Variants in RXRA observed in about 807,000 individuals in gnomAD.
The protein encoded by RXRA is retinoid X receptor alpha.
A neutral mutation model predicts 44.5 loss-of-function variants in RXRA; 5 were observed. The ratio of observed to expected loss-of-function variants is 0.11; its 90% CI spans 0.06 to 0.24. RXRA has a LOEUF of 0.24. Among genes scored for constraint, RXRA ranks in the 10% least tolerant of loss-of-function variants. RXRA has a pLI of 1.00. For synonymous variants in RXRA, 291 were observed against 271.4 expected (o/e 1.07, Z -0.71); for missense variants, 412 against 646.5 (o/e 0.64, Z 3.93).
chr9:134,328,425 G>A (rs574101841), intron 1 of RXRA, among the ~76,000 whole-genome samples: 15 of 152,060 alleles, frequency 9.9e-5, no homozygotes, highest in African/African-American at 2.4e-5. Context: ...AGGAGAGGTC[G>A]TGCCTCCGAG....
chr9:134,374,540 C>T (rs532803637), intron 1 of RXRA, among the ~76,000 whole-genome samples: 15 of 152,292 alleles, frequency 9.8e-5, no homozygotes, highest in African/African-American at 2.4e-4. Flanking sequence ...GGGAGGCCCC[C>T]GGGGCACCCC....
At chr9:134,416,572 T>C (rs568416919) in intron 4 of RXRA, among the ~76,000 whole-genome samples, 1 of 152,190 alleles carries the variant, frequency 6.6e-6, no homozygotes, top group South Asian at 2.1e-4. Flanking sequence ...CAGGGCCCAG[T>C]GTCCTTGGGA....
At chr9:134,432,437 C>T (rs976062948) in intron 8 of RXRA, among the ~76,000 whole-genome samples, 1 of 152,188 alleles carries the variant, frequency 6.6e-6, no homozygotes, top group Admixed American at 6.5e-5. Context: ...AGCCTCGGGT[C>T]CAGGGTGTTT....
chr9:134,424,260 C>T (rs1175305384), intron 6 of RXRA: 1 of 985,308 alleles, frequency 1.0e-6, no homozygotes, highest in East Asian at 1.1e-4. Flanking sequence ...AGCCCTGGTG[C>T]CATGAGTCCC....
At chr9:134,334,726 C>T (rs529920785) in intron 1 of RXRA, among the ~76,000 whole-genome samples, 1 of 152,296 alleles carries the variant, frequency 6.6e-6, no homozygotes, top group East Asian at 1.9e-4. Context: ...TGCTGTTGGC[C>T]ATTGGTCAGG....
chr9:134,344,127 C>T (rs1226785496), intron 1 of RXRA, among the ~76,000 whole-genome samples: 1 of 152,228 alleles, frequency 6.6e-6, no homozygotes, highest in African/African-American at 2.4e-5. Flanking sequence ...TCCAGCGTTC[C>T]CTGCGCTTGA....
chr9:134,333,844 T>C (rs1554746979), intron 1 of RXRA, among the ~76,000 whole-genome samples: 2 of 152,174 alleles, frequency 1.3e-5, no homozygotes, highest in Non-Finnish European at 2.9e-5. Context: ...AATCGGGCGC[T>C]CTCGGGCCTG....
chr9:134,362,138 C>G (rs577749105), intron 1 of RXRA, among the ~76,000 whole-genome samples: 1 of 152,134 alleles, frequency 6.6e-6, no homozygotes, highest in South Asian at 2.1e-4. Context: ...GCCTTCTGTG[C>G]GGGTTGGGAG....
intron 1 of RXRA, among the ~76,000 whole-genome samples, chr9:134,335,841 A>G (rs782395436): frequency 7.9e-5 from 12 of 152,002 alleles, no homozygotes; most frequent in East Asian, 1.9e-4. Context: ...ACCTATTCCT[A>G]TACCCCTTGG....
At chr9:134,408,538 C>T (rs1010629928) in intron 3 of RXRA, among the ~76,000 whole-genome samples, 3 of 152,206 alleles carry the variant, frequency 2.0e-5, no homozygotes, top group African/African-American at 4.8e-5. Flanking sequence ...CTGAGGCTTC[C>T]GGAGAGGAGG....
Position 134,417,146 on chromosome 9 carries a change from C to T in RXRA, c.611-12C>T. ...CTGAGCGTGGGGCTCACCTGCGCCT[C>T]CCGGGTTGTAGCCGTGCAGGAGGAG... On this transcript the variant is annotated splice_polypyrimidine_tract_variant and intron_variant, in intron 4 of 9. Coordinates refer to ENST00000481739, the MANE Select transcript of RXRA (RefSeq NM_002957.6). This position sits in a 1 kb window ranked among gnomAD's most constrained non-coding sequence, Gnocchi z 6.1. The T allele has an allele frequency of 1.9e-6, 3 of 1,607,568 alleles. No individual in the cohort carries two copies. The highest frequency in any genetic ancestry group is 2.5e-6 in the Non-Finnish European group (3 of 1,178,526).
intron 1 of RXRA, among the ~76,000 whole-genome samples, chr9:134,364,052 G>A (rs1054933936): frequency 1.1e-4 from 16 of 152,104 alleles, no homozygotes; most frequent in African/African-American, 3.9e-4. Context: ...TGGGCATACC[G>A]GGTCTGCACC....
chr9:134,401,173 G>A (rs971224809), intron 1 of RXRA, among the ~76,000 whole-genome samples: 4 of 152,224 alleles, frequency 2.6e-5, no homozygotes, highest in African/African-American at 4.8e-5. Context: ...CCTGGTACAC[G>A]GCAGGTGCTC....
chr9:134,428,711 C>A (rs1831478460), intron 6 of RXRA, among the ~76,000 whole-genome samples: 1 of 152,206 alleles, frequency 6.6e-6, no homozygotes, highest in African/African-American at 2.4e-5. Flanking sequence ...GAAGGGCACA[C>A]AGATCCCCGA....
intron 1 of RXRA, among the ~76,000 whole-genome samples, chr9:134,385,078 T>G (rs771613937): frequency 6.6e-6 from 1 of 152,200 alleles, no homozygotes; most frequent in Non-Finnish European, 1.5e-5. Context: ...TGCGCAGCCT[T>G]CCTTGAGGCC....
chr9:134,356,672 C>T (rs1441594760), intron 1 of RXRA, among the ~76,000 whole-genome samples: 2 of 152,232 alleles, frequency 1.3e-5, no homozygotes, highest in Non-Finnish European at 1.5e-5. Context: ...TCCTGCTCAG[C>T]GGCTCTTGGA....
chr9:134,327,410 A>C (rs1289776201), intron 1 of RXRA, among the ~76,000 whole-genome samples: 1 of 152,030 alleles, frequency 6.6e-6, no homozygotes, highest in Non-Finnish European at 1.5e-5. Flanking sequence ...CGCCAACTCC[A>C]GGCCCAGACC....
At chr9:134,424,756 C>T (rs1831405467) in intron 6 of RXRA, 9 of 985,482 alleles carry the variant, frequency 9.1e-6, no homozygotes, top group Non-Finnish European at 1.1e-5. Flanking sequence ...ATACACTGTG[C>T]CTGGCTGGTG....
At position 134,345,836 on chromosome 9, in the gene RXRA, C is replaced by T. The variant is rs149775388; in HGVS notation, c.28+19177C>T. Among the ~76,000 whole-genome samples, 42 of 152,314 alleles carry T rather than the reference C, an allele frequency of 2.8e-4. No individual in the cohort carries two copies. In the East Asian group the frequency reaches 7.1e-3, roughly 26 times the overall value. ...GGCCCGGCTCATTCATGACTAAACA[C>T]GTGTCAGTTCCCGGCACAGATGAAC... On this transcript the variant is annotated intron_variant, in intron 1 of 9. Transcript: ENST00000481739.
Sources: allele counts gnomAD v4.1 joint callset (sites outside exome capture counted in the v4.1 genomes callset), GRCh38; gene constraint gnomAD v4.1.1; non-coding constraint Gnocchi (gnomAD v3.1); transcripts MANE v1.5; gene names NCBI Gene and HGNC (gene_info 2026-07-23, HGNC 2026-07-21).